UNC13C: variants seen among roughly 807,000 people sequenced by gnomAD.
UNC13C encodes the protein unc-13 homolog C, also known as protein unc-13 homolog C.
In UNC13C, 174 loss-of-function variants were observed where a neutral mutation model predicts 245.4. The observed-to-expected ratio is 0.71, with a 90% CI of 0.63 to 0.80. UNC13C has a LOEUF of 0.80. UNC13C is among the 30% of genes least tolerant of loss of function. The pLI is 0.00. For synonymous variants in UNC13C, 992 were observed against 895.1 expected (o/e 1.11, Z -1.93); for missense variants, 2,829 against 2,602.9 (o/e 1.09, Z -1.89).
At chr15:54,508,317 C>T (rs914189332) in intron 23 of UNC13C, among the ~76,000 whole-genome samples, 13 of 151,998 alleles carry the variant, frequency 8.6e-5, no homozygotes, top group Non-Finnish European at 1.8e-4. Context: ...TGAAAGGTGA[C>T]CATGAGCTCC....
chr15:54,604,250 T>A (rs1436921385), intron 30 of UNC13C, among the ~76,000 whole-genome samples: 1 of 152,212 alleles, frequency 6.6e-6, no homozygotes, highest in Non-Finnish European at 1.5e-5. Flanking sequence ...TCCAAAAGTA[T>A]GAGTTAAAGA....
intron 17 of UNC13C, among the ~76,000 whole-genome samples, chr15:54,388,638 A>G (rs890361476): frequency 3.3e-5 from 5 of 152,096 alleles, no homozygotes; most frequent in Admixed American, 2.6e-4. Context: ...ATTATTCCAC[A>G]TAGACTCCGG....
intron 10 of UNC13C, among the ~76,000 whole-genome samples, chr15:54,269,293 C>A (rs2036626565): frequency 6.6e-6 from 1 of 151,912 alleles, no homozygotes; most frequent in African/African-American, 2.4e-5. Context: ...ATATTTTGCT[C>A]ACTGCTTGAT....
At chr15:54,142,656 T>A (rs564990260) in intron 2 of UNC13C, among the ~76,000 whole-genome samples, 121 of 152,338 alleles carry the variant, frequency 7.9e-4, no homozygotes, top group African/African-American at 2.7e-3. Context: ...CAGAGTTGGA[T>A]CTAGGCTCTT....
At chr15:54,180,899 G>C (rs1019047523) in intron 4 of UNC13C, among the ~76,000 whole-genome samples, 2 of 151,956 alleles carry the variant, frequency 1.3e-5, no homozygotes, top group African/African-American at 4.8e-5. Context: ...TTAGACATTT[G>C]TTGGATGTGT....
chr15:54,262,840 T>C (rs2036461250), intron 8 of UNC13C, among the ~76,000 whole-genome samples: 1 of 152,164 alleles, frequency 6.6e-6, no homozygotes, highest in South Asian at 2.1e-4. Flanking sequence ...GAAACAGGTA[T>C]TACACTTTCA....
At chr15:54,527,624 A>G (rs1057470292) in intron 25 of UNC13C, among the ~76,000 whole-genome samples, 15 of 152,202 alleles carry the variant, frequency 9.9e-5, no homozygotes, top group African/African-American at 3.4e-4. Flanking sequence ...AACCACAGTT[A>G]TGAAAGAAGG....
chr15:54,014,211 T>G lies in UNC13C; in HGVS notation c.1308T>G (p.Thr436=), dbSNP rs748597252. The part of the protein sequence containing the change: ...TYESMAIKLS[T]PEPKIKKNNW... Reference sequence around the variant, plus strand: ...AGAGCATGGCTATAAAGTTGTCTACTCCAGAGCCAAAAATCAAGAAGAACA... The same window carrying G: ...AGAGCATGGCTATAAAGTTGTCTACGCCAGAGCCAAAAATCAAGAAGAACA... Residue 436 remains threonine (T), a synonymous_variant, in exon 2 of 33, where the codon ACT becomes ACG. Coordinates refer to ENST00000260323, the MANE Select transcript of UNC13C (RefSeq NM_001080534.3). 6.2e-7 allele frequency: 1 copy of G among 1,613,760 alleles called. No individual in the cohort carries two copies. Among genetic ancestry groups the G allele is most frequent in the Non-Finnish European group, 8.5e-7 (1 of 1,179,842 alleles).
chr15:54,250,760 T>C (rs1245208984), intron 8 of UNC13C, among the ~76,000 whole-genome samples: 1 of 128,740 alleles, frequency 7.8e-6, no homozygotes, highest in Non-Finnish European at 1.7e-5. Flanking sequence ...TTTTTTTTTT[T>C]TTTTTTTTTT....
the UNC13C span, among the ~76,000 whole-genome samples, chr15:53,932,677 C>T: frequency 6.6e-6 from 1 of 152,050 alleles, no homozygotes; most frequent in African/African-American, 2.4e-5. Flanking sequence ...CTTCCTATTC[C>T]TTTCCTTTAA....
chr15:54,291,019 A>G (rs1480234095), intron 10 of UNC13C, among the ~76,000 whole-genome samples: 1 of 152,044 alleles, frequency 6.6e-6, no homozygotes, highest in Non-Finnish European at 1.5e-5. Flanking sequence ...AATGCCTTCT[A>G]TCTTTTTCTA....
intron 8 of UNC13C, among the ~76,000 whole-genome samples, chr15:54,263,570 AG>A (rs1227251783): frequency 6.6e-6 from 1 of 152,192 alleles, no homozygotes; most frequent in African/African-American, 2.4e-5. Context: ...GTCATTTAAA[AG>A]CTCTGGATAT....
the UNC13C span, among the ~76,000 whole-genome samples, chr15:53,858,459 C>T: frequency 1.0e-4 from 15 of 149,082 alleles, no homozygotes; most frequent in South Asian, 2.1e-4. Context: ...CTCGCTCTGT[C>T]GCCCAGGTTG....
At chr15:54,382,615 G>A (rs1020052156) in intron 17 of UNC13C, among the ~76,000 whole-genome samples, 1 of 151,162 alleles carries the variant, frequency 6.6e-6, no homozygotes, top group Admixed American at 6.6e-5. Flanking sequence ...AAAAAACTCA[G>A]AAAGATTTCA....
intron 18 of UNC13C, among the ~76,000 whole-genome samples, chr15:54,406,954 G>A (rs1225374404): frequency 2.6e-5 from 4 of 152,076 alleles, no homozygotes; most frequent in African/African-American, 7.2e-5. Context: ...AGAATGTCAG[G>A]CGTGTCAAGA....
At chr15:53,977,870 T>C (rs535945321), upstream of UNC13C, among the ~76,000 whole-genome samples, 1 of 152,340 alleles carries the variant, frequency 6.6e-6, no homozygotes, top group Admixed American at 6.5e-5. Context: ...TCACTGTAAG[T>C]TACCCATCAT....
chr15:54,107,622 T>C (rs1320411770), intron 2 of UNC13C, among the ~76,000 whole-genome samples: 1 of 152,206 alleles, frequency 6.6e-6, no homozygotes, highest in Admixed American at 6.5e-5. Context: ...AGAAATGGAC[T>C]TCAATTGATG....
intron 1 of UNC13C, among the ~76,000 whole-genome samples, chr15:53,989,926 A>C (rs2140958280): frequency 6.6e-6 from 1 of 152,062 alleles, no homozygotes; most frequent in Non-Finnish European, 1.5e-5. Flanking sequence ...CAGAGGAAAA[A>C]ATGGGTGAAG....
intron 2 of UNC13C, among the ~76,000 whole-genome samples, chr15:54,030,568 G>A (rs1344381462): frequency 1.3e-5 from 2 of 152,218 alleles, no homozygotes; most frequent in Non-Finnish European, 1.5e-5. Context: ...TTATGTAGAA[G>A]TAAATGTGGC....
Sources: allele counts gnomAD v4.1 joint callset (sites outside exome capture counted in the v4.1 genomes callset), GRCh38; gene constraint gnomAD v4.1.1; transcripts MANE v1.5; gene names NCBI Gene and HGNC (gene_info 2026-07-23, HGNC 2026-07-21).